Variants in RTN4IP1 observed in about 807,000 individuals in gnomAD.
RTN4IP1 encodes the protein NAD(P)H oxidoreductase RTN4IP1, mitochondrial.
Under a neutral mutation model 46.6 loss-of-function variants are expected in RTN4IP1, and 32 were observed. That is an observed-to-expected ratio of 0.69 (90% CI 0.52 to 0.92). RTN4IP1 has a LOEUF of 0.92. RTN4IP1 is among the 40% of genes least tolerant of loss of function. RTN4IP1 has a pLI of 0.00. For synonymous variants in RTN4IP1, 167 were observed against 161.8 expected, an observed-to-expected ratio of 1.03 and a Z score of -0.24; for missense variants, 424 against 485.8, an observed-to-expected ratio of 0.87 and a Z score of 1.20.
Position 106,629,137 on chromosome 6 carries a change from A to C in RTN4IP1, c.-116T>G. 1.0e-6 allele frequency: 1 copy of C among 961,742 alleles called. No individual in the cohort carries two copies. The allele number at this position is 961,742 out of a possible 1,614,324, so 59.6% of individuals were successfully genotyped here. On this transcript the variant is annotated 5_prime_UTR_variant, in exon 1 of 9. It removes an upstream start codon present in the reference 5' UTR. Transcript: ENST00000369063. ...CCACGGGCTAGTTTCAAAATTAAGC[A>C]TGCAAAACGGAGCATTCGAAAATGA... is the stretch of plus-strand genomic sequence containing the variant.
At chr6:106,623,110 A>G in intron 1 of RTN4IP1, 141 bp from the exon 2 acceptor site, 1 of 781,610 alleles carries the variant, frequency 1.3e-6, no homozygotes, top group South Asian at 1.8e-5. Flanking sequence ...ACATAAGTGT[A>G]TGTTCACTGC....
intron 5 of RTN4IP1, among the ~76,000 whole-genome samples, chr6:106,597,533 G>A (rs1775827027): frequency 1.3e-5 from 2 of 151,882 alleles, no homozygotes; most frequent in South Asian, 2.1e-4. Flanking sequence ...TTGTAGAGAC[G>A]AGGTTTTGCC....
Position 106,592,362 on chromosome 6 carries a change from T to C in RTN4IP1, c.670-62A>G, listed in dbSNP as rs1034647087. ...GGAGAGATTAGAAAAACTGACTGCATTGAAAAAAAAATCATTGGCACCATG... is the reference window on the plus strand; with the variant it reads ...GGAGAGATTAGAAAAACTGACTGCACTGAAAAAAAAATCATTGGCACCATG... On this transcript the variant is annotated intron_variant, in intron 5 of 8. Coordinates refer to ENST00000369063, the MANE Select transcript of RTN4IP1 (RefSeq NM_032730.5). 160 of 1,542,638 alleles carry C rather than the reference T, an allele frequency of 1.0e-4. No homozygotes were observed. The African/African-American group carries it at 1.3e-3, about 13-fold the overall frequency.
intron 8 of RTN4IP1, among the ~76,000 whole-genome samples, chr6:106,581,199 T>C (rs1443327802): frequency 6.6e-6 from 1 of 152,212 alleles, no homozygotes; most frequent in Non-Finnish European, 1.5e-5. Flanking sequence ...TTTCCATCTT[T>C]AGGGTTTTTG....
At position 106,628,901 on chromosome 6, in the gene RTN4IP1, T is replaced by A; in HGVS notation, c.121A>T (p.Thr41Ser). 6.2e-7 allele frequency: 1 copy of A among 1,614,160 alleles called. No homozygotes were observed. Among genetic ancestry groups the A allele is most frequent in the Non-Finnish European group, 8.5e-7 (1 of 1,180,022 alleles). ...TCTATCACCCAAGCAGGCATGACAG[T>A]GCTCCTAGGAGAGGTAGTACTAATC... ...RRISTTSPRS[T>S]VMPAWVIDKY... Residue 41 changes from threonine (T) to serine (S), a missense_variant, in exon 1 of 9, where the codon ACT becomes TCT. Physicochemically the swap from Thr to Ser is moderately conservative, Grantham distance 58. Transcript: ENST00000369063.
In RTN4IP1 at chr6:106,587,914, T is replaced by C. The variant is rs147692061; in HGVS notation, c.807-52A>G. On this transcript the variant is annotated intron_variant, in intron 6 of 8. Coordinates refer to ENST00000369063, the MANE Select transcript of RTN4IP1 (RefSeq NM_032730.5). The stretch of plus-strand genomic sequence containing the variant: ...ATGGTTGTCAGGCTTTACACTGGAC[T>C]CTGATCCTCCTTCCCTTCCAGTACC... The C allele has an allele frequency of 1.4e-4, 212 of 1,480,608 alleles. No individual in the cohort carries two copies. In the East Asian group the frequency reaches 5.0e-3, roughly 35 times the overall value. 91.7% of individuals were successfully genotyped at this position (1,480,608 alleles called of 1,614,324 possible).
chr6:106,629,372 C>G lies in RTN4IP1; in HGVS notation c.-351G>C. On this transcript the variant is annotated 5_prime_UTR_variant, in exon 1 of 9. Coordinates refer to ENST00000369063, the MANE Select transcript of RTN4IP1 (RefSeq NM_032730.5). ...ATCCCTGCCCTGTCCTGGGAGCCCT[C>G]GGCGGGACAAGCAGACACCGCTCGC... 1 of 557,832 alleles carries G rather than the reference C, an allele frequency of 1.8e-6. No homozygotes were observed. Among genetic ancestry groups the G allele is most frequent in the South Asian group, 2.3e-5 (1 of 43,798 alleles). 34.6% of individuals were successfully genotyped at this position (557,832 alleles called of 1,614,324 possible). A position where few individuals can be genotyped will look rare whatever the true frequency, so the allele number is the denominator to read the frequency against.
intron 8 of RTN4IP1, among the ~76,000 whole-genome samples, chr6:106,581,033 A>T (rs1412912182): frequency 1.3e-5 from 2 of 151,312 alleles, no homozygotes; most frequent in African/African-American, 4.8e-5. Flanking sequence ...TTTTGTTAGG[A>T]GAGAAAGAAG....
chr6:106,630,018 C>T (rs1448171282), upstream of RTN4IP1, among the ~76,000 whole-genome samples: 1 of 152,090 alleles, frequency 6.6e-6, no homozygotes, highest in Admixed American at 6.6e-5. Context: ...AGGGGGCTTG[C>T]GGGGCCACTT....
intron 1 of RTN4IP1, among the ~76,000 whole-genome samples, chr6:106,624,936 A>G (rs1776596912): frequency 9.3e-6 from 1 of 107,982 alleles, no homozygotes; most frequent in African/African-American, 4.6e-5. Context: ...GCTCTGTCTC[A>G]AAAAAAAAAA....
At chr6:106,597,372 A>G (rs1276173855) in intron 5 of RTN4IP1, among the ~76,000 whole-genome samples, 1 of 152,172 alleles carries the variant, frequency 6.6e-6, no homozygotes, top group East Asian at 1.9e-4. Context: ...TTTTTGAGAT[A>G]GGTCTCACTC....
intron 5 of RTN4IP1, among the ~76,000 whole-genome samples, chr6:106,601,593 A>T (rs1775950410): frequency 6.6e-6 from 1 of 151,152 alleles, no homozygotes; most frequent in African/African-American, 2.4e-5. Context: ...TAGATCTTTG[A>T]TCCATTTTGA....
chr6:106,613,712 T>A (rs779653842), intron 4 of RTN4IP1, among the ~76,000 whole-genome samples: 10 of 152,162 alleles, frequency 6.6e-5, no homozygotes, highest in Non-Finnish European at 1.3e-4. Flanking sequence ...AGAGAGGAGG[T>A]TGCAGGCCTC....
At chr6:106,575,548 C>T (rs776764571) in intron 8 of RTN4IP1, among the ~76,000 whole-genome samples, 6 of 152,188 alleles carry the variant, frequency 3.9e-5, no homozygotes, top group South Asian at 2.1e-4. Flanking sequence ...CTTGAGGCTT[C>T]GGAAGACGGT....
chr6:106,603,552 G>A (rs760692106), intron 4 of RTN4IP1, among the ~76,000 whole-genome samples: 11 of 152,148 alleles, frequency 7.2e-5, no homozygotes, highest in Non-Finnish European at 8.8e-5. Context: ...GCAGGAGGGT[G>A]GGGCGGGACA....
intron 1 of RTN4IP1, among the ~76,000 whole-genome samples, chr6:106,624,946 A>AAAAAG (rs747243265): frequency 3.8e-5 from 5 of 133,150 alleles, no homozygotes; most frequent in East Asian, 2.2e-4. Flanking sequence ...AAAAAAAAAA[A>AAAAAG]AAAAAGAAAA....
At chr6:106,623,754 T>C (rs1360099839) in intron 1 of RTN4IP1, among the ~76,000 whole-genome samples, 2 of 152,266 alleles carry the variant, frequency 1.3e-5, no homozygotes, top group Non-Finnish European at 2.9e-5. Context: ...TTGAAGATGA[T>C]GTCTTTATTA....
At chr6:106,628,215 C>T (rs1776703433) in intron 1 of RTN4IP1, among the ~76,000 whole-genome samples, 1 of 152,000 alleles carries the variant, frequency 6.6e-6, no homozygotes, top group South Asian at 2.1e-4. Flanking sequence ...CGTCTGTAAT[C>T]CCAGCACTTA....
Position 106,570,942 on chromosome 6 carries a change from T to C in RTN4IP1, c.*1054A>G, listed in dbSNP as rs1272799069. 1 of 152,134 alleles carries C rather than the reference T, an allele frequency of 6.6e-6. No individual in the cohort carries two copies. Among genetic ancestry groups the C allele is most frequent in the Non-Finnish European group, 1.5e-5 (1 of 68,032 alleles). The allele number at this position is 152,134 out of a possible 1,614,324, so 9.4% of individuals were successfully genotyped here. A position where few individuals can be genotyped will look rare whatever the true frequency, so the allele number is the denominator to read the frequency against. On this transcript the variant is annotated 3_prime_UTR_variant, in exon 9 of 9. Coordinates refer to ENST00000369063, the MANE Select transcript of RTN4IP1 (RefSeq NM_032730.5). ...AGGTGCAATACTGAGGATGAGTATA[T>C]TAGGAAGTAAAAACACTTACCGTAA...
Sources: gnomAD v4.1 joint callset for allele counts (sites outside exome capture counted in the v4.1 genomes callset) on GRCh38, gnomAD v4.1.1 for gene constraint, MANE v1.5 for transcripts, NCBI Gene and HGNC (gene_info 2026-07-23, HGNC 2026-07-21) for gene names.